The following PRKAR1B variants were observed in gnomAD, a reference collection of about 807,000 sequenced individuals.
The protein encoded by PRKAR1B is protein kinase cAMP-dependent type I regulatory subunit beta.
In PRKAR1B, 22 loss-of-function variants were observed where a neutral mutation model predicts 46.5. That is an observed-to-expected ratio of 0.47 (90% CI 0.34 to 0.68). The LOEUF (loss-of-function observed/expected upper bound fraction) is 0.68, where lower values mean the gene tolerates loss of function less well. PRKAR1B is among the 30% of genes least tolerant of loss of function. The pLI, the probability that PRKAR1B is intolerant of heterozygous loss-of-function variation, is 0.01. For synonymous variants in PRKAR1B, 259 were observed against 217.7 expected, an observed-to-expected ratio of 1.19 and a Z score of -1.67; for missense variants, 445 against 535.6, an observed-to-expected ratio of 0.83 and a Z score of 1.67.
chr7:626,349 A>G (rs1202333673), intron 4 of PRKAR1B, among the ~76,000 whole-genome samples: 2 of 152,124 alleles, frequency 1.3e-5, no homozygotes, highest in East Asian at 3.8e-4. Flanking sequence ...AAAAAAATTA[A>G]TCAGGCCTGG....
At chr7:689,126 T>G (rs1456638810) in intron 2 of PRKAR1B, among the ~76,000 whole-genome samples, 2 of 152,164 alleles carry the variant, frequency 1.3e-5, no homozygotes, top group Non-Finnish European at 2.9e-5. Flanking sequence ...AAAAAATTTT[T>G]TTTTTTTGAG....
intron 4 of PRKAR1B, among the ~76,000 whole-genome samples, chr7:612,404 G>T (rs575547702): frequency 2.0e-5 from 3 of 151,434 alleles, no homozygotes; most frequent in Non-Finnish European, 2.9e-5. Flanking sequence ...ATAGATGGAT[G>T]GATGGACAGG....
At chr7:721,717 AG>A (rs1781078068) in intron 1 of PRKAR1B, among the ~76,000 whole-genome samples, 1 of 152,088 alleles carries the variant, frequency 6.6e-6, no homozygotes, top group South Asian at 2.1e-4. Context: ...TAGGTCTGCT[AG>A]CAATAAATTC....
chr7:595,088 C>T (rs985848639), intron 7 of PRKAR1B, among the ~76,000 whole-genome samples: 6 of 152,324 alleles, frequency 3.9e-5, no homozygotes, highest in African/African-American at 1.4e-4. Context: ...GTGCTTCCTG[C>T]AGAAGCTGCG....
Position 596,172 on chromosome 7 carries a change from G to C in PRKAR1B, c.682C>G (p.Arg228Gly). 6.2e-7 allele frequency: 1 copy of C among 1,613,880 alleles called. No homozygotes were observed. Among genetic ancestry groups the C allele is most frequent in the Non-Finnish European group, 8.5e-7 (1 of 1,179,898 alleles). Residue 228 changes from arginine to glycine, a missense_variant, in exon 7 of 11, where the codon CGG becomes GGG. By Grantham distance (125) the Arg-to-Gly change is moderately radical. Around this residue, in one of 5 missense-constraint regions of PRKAR1B, gnomAD observed 51 missense variants for 85.1 expected, o/e 0.60. Transcript: ENST00000537384. Reference sequence around the variant, plus strand: ...ATAAGGATGCGCCGGTAGCTGTCCCGGTCGATCCCCCAGAGCTTGAGGTCC... The same window carrying C: ...ATAAGGATGCGCCGGTAGCTGTCCCCGTCGATCCCCCAGAGCTTGAGGTCC... ...KTDLKLWGIDRDSYRRILMGS... is the reference protein window; with the variant it reads ...KTDLKLWGIDGDSYRRILMGS...
intron 4 of PRKAR1B, among the ~76,000 whole-genome samples, chr7:617,671 C>T (rs1782903797): frequency 6.6e-6 from 1 of 152,164 alleles, no homozygotes; most frequent in African/African-American, 2.4e-5. Context: ...ATTCCAGATA[C>T]TCTCCCGGCC....
At chr7:592,909 G>T (rs895349000) in intron 7 of PRKAR1B, among the ~76,000 whole-genome samples, 1 of 152,084 alleles carries the variant, frequency 6.6e-6, no homozygotes, top group Admixed American at 6.5e-5. Context: ...GGTAGCACAC[G>T]CCTGTAGTCC....
At chr7:637,939 G>A (rs528311103) in intron 4 of PRKAR1B, among the ~76,000 whole-genome samples, 32 of 152,252 alleles carry the variant, frequency 2.1e-4, no homozygotes, top group Non-Finnish European at 4.6e-4. Flanking sequence ...AGCTCCGTGT[G>A]GACGCCCAGA....
intron 2 of PRKAR1B, chr7:691,918 C>T: frequency 9.9e-7 from 1 of 1,015,068 alleles, no homozygotes; most frequent in Non-Finnish European, 1.2e-6. Context: ...GCTGCGAGTC[C>T]CTTGCTCACA....
intron 4 of PRKAR1B, among the ~76,000 whole-genome samples, chr7:620,263 T>C (rs1206009545): frequency 6.6e-6 from 1 of 152,220 alleles, no homozygotes; most frequent in East Asian, 1.9e-4. Flanking sequence ...CATCATCACG[T>C]TGAGTCATTC....
chr7:669,533 G>A (rs1205987070), intron 4 of PRKAR1B, among the ~76,000 whole-genome samples: 3 of 152,100 alleles, frequency 2.0e-5, no homozygotes, highest in Non-Finnish European at 4.4e-5. Context: ...GGAGGCTGAG[G>A]TGGGTGGATC....
chr7:648,429 T>C (rs878882679), intron 4 of PRKAR1B, among the ~76,000 whole-genome samples: 2 of 151,844 alleles, frequency 1.3e-5, no homozygotes, highest in South Asian at 2.1e-4. Context: ...CTGGCCAACA[T>C]GGCAAAACTC....
rs963724074 is a variant in PRKAR1B at position 667,261 on chromosome 7, A to C, written c.440+9968T>G. On this transcript the variant is annotated intron_variant, in intron 4 of 10. Coordinates refer to ENST00000537384, the MANE Select transcript of PRKAR1B (RefSeq NM_001164760.2). The surrounding 1 kb of genome is among the most constrained non-coding windows in gnomAD (Gnocchi z 4.3). ...ATAATGATGGTGGTGATAACAGTACACACATAGATATTCTTGCTTTATATT... is the reference window on the plus strand; with the variant it reads ...ATAATGATGGTGGTGATAACAGTACCCACATAGATATTCTTGCTTTATATT... 3.3e-5 allele frequency among the ~76,000 whole-genome samples: 5 copies of C among 152,178 alleles called. No homozygotes were observed. Among genetic ancestry groups the C allele is most frequent in the African/African-American group, 1.2e-4 (5 of 41,432 alleles).
chr7:639,073 G>C (rs1784264038), intron 4 of PRKAR1B, among the ~76,000 whole-genome samples: 1 of 148,638 alleles, frequency 6.7e-6, no homozygotes, highest in Non-Finnish European at 1.5e-5. Flanking sequence ...GCGAGACTCT[G>C]TCTCAAAAAG....
intron 4 of PRKAR1B, among the ~76,000 whole-genome samples, chr7:657,921 C>T (rs1021783495): frequency 6.6e-6 from 1 of 152,168 alleles, no homozygotes; most frequent in African/African-American, 2.4e-5. Flanking sequence ...CCACTGAGCC[C>T]AGCTTTGCAG....
chr7:703,588 G>A (rs867238480), intron 2 of PRKAR1B, among the ~76,000 whole-genome samples: 104 of 151,754 alleles, frequency 6.9e-4, no homozygotes, highest in African/African-American at 2.3e-3. Flanking sequence ...CCCGGGAGGT[G>A]GAGCTTGGAG....
intron 2 of PRKAR1B, 127 bp from the exon 3 acceptor site, chr7:680,853 G>A: frequency 9.1e-7 from 1 of 1,099,376 alleles, no homozygotes. Flanking sequence ...CTCAGGAGTT[G>A]GACATACGGT....
chr7:570,138 G>A (rs1039701416), intron 9 of PRKAR1B, among the ~76,000 whole-genome samples: 3 of 152,336 alleles, frequency 2.0e-5, no homozygotes, highest in South Asian at 2.1e-4. Context: ...GCACCTCGGC[G>A]GATCTCACCT....
At chr7:724,360 T>C (rs974346231) in intron 1 of PRKAR1B, among the ~76,000 whole-genome samples, 3 of 152,214 alleles carry the variant, frequency 2.0e-5, no homozygotes, top group African/African-American at 4.8e-5. Flanking sequence ...TTTCCTGTGC[T>C]GTTCCTATGA....
Sources: allele counts gnomAD v4.1 joint callset (sites outside exome capture counted in the v4.1 genomes callset), GRCh38; gene constraint gnomAD v4.1.1; regional missense constraint gnomAD v4.1.1; non-coding constraint Gnocchi (gnomAD v3.1); transcripts MANE v1.5; gene names NCBI Gene and HGNC (gene_info 2026-07-23, HGNC 2026-07-21).